TEK: variants seen among roughly 807,000 people sequenced by gnomAD.
TEK encodes the protein TEK receptor tyrosine kinase, also known as angiopoietin-1 receptor.
TEK carries 43 observed loss-of-function variants against 131.8 expected under a neutral mutation model. The ratio of observed to expected loss-of-function variants is 0.33; its 90% CI spans 0.26 to 0.42. The LOEUF (loss-of-function observed/expected upper bound fraction) is 0.42. Ranked by LOEUF, TEK falls within the 10% of genes least tolerant of loss-of-function variation. TEK has a pLI of 1.00. For missense variants in TEK, 1,162 were observed against 1,384.4 expected (o/e 0.84, Z 2.55); for synonymous variants, 580 against 491.6 (o/e 1.18, Z -2.38).
At chr9:27,137,110 G>C (rs12551926) in intron 1 of TEK, among the ~76,000 whole-genome samples, 54,252 of 151,742 alleles carry the variant, frequency 0.36, 11,003 homozygotes, top group Non-Finnish European at 0.45. Context: ...TAGAGACGGG[G>C]TTTCACCATG....
intron 1 of TEK, among the ~76,000 whole-genome samples, chr9:27,148,640 T>C (rs1444074375): frequency 1.3e-5 from 2 of 152,236 alleles, no homozygotes; most frequent in African/African-American, 4.8e-5. Context: ...AGAAGTCCCA[T>C]GGCCAAGCCT....
chr9:27,109,589 G>A lies in TEK; in HGVS notation c.-2G>A. 1 of 1,614,188 alleles carries A rather than the reference G, an allele frequency of 6.2e-7. No homozygotes were observed. The highest frequency in any genetic ancestry group is 8.5e-7 in the Non-Finnish European group (1 of 1,180,018). ...AAACTGGATGGAGAGATTTGGGGAA[G>A]CATGGACTCTTTAGCCAGCTTAGTT... On this transcript the variant is annotated 5_prime_UTR_variant, in exon 1 of 23. Transcript: ENST00000380036.
At chr9:27,181,841 A>G (rs368185655) in intron 7 of TEK, among the ~76,000 whole-genome samples, 1 of 152,194 alleles carries the variant, frequency 6.6e-6, no homozygotes, top group Non-Finnish European at 1.5e-5. Flanking sequence ...CAATCATATA[A>G]ATATAAATGC....
At chr9:27,180,442 TGCC>T in intron 7 of TEK, 74 bp downstream of exon 7, 1 of 1,560,460 alleles carries the variant, frequency 6.4e-7, no homozygotes, top group South Asian at 1.2e-5. Context: ...GTAATTCTTG[TGCC>T]GGCATTCTAA....
At chr9:27,166,836 C>T (rs1402286087) in intron 2 of TEK, among the ~76,000 whole-genome samples, 2 of 152,190 alleles carry the variant, frequency 1.3e-5, no homozygotes, top group Admixed American at 6.5e-5. Context: ...TTTTAACATA[C>T]ATTTGGCATA....
intron 1 of TEK, among the ~76,000 whole-genome samples, chr9:27,126,239 AAC>A (rs1384085608): frequency 6.6e-6 from 1 of 152,202 alleles, no homozygotes; most frequent in Non-Finnish European, 1.5e-5. Flanking sequence ...AAGCTTACCT[AAC>A]ACATAAGTTT....
chr9:27,142,914 GTTAC>G lies in TEK; in HGVS notation c.53-14913_53-14910del, dbSNP rs142892357. On this transcript the variant is annotated intron_variant, in intron 1 of 22. Transcript: ENST00000380036. ...ACGTTAAAGTAACTAGACTGTGGAA[GTTAC>G]TTAATAAGTTAAAGCTATTGTTAAT... Among the ~76,000 whole-genome samples the G allele has an allele frequency of 6.9e-3, 1,057 of 152,322 alleles. 13 individuals carry two copies. The highest frequency in any genetic ancestry group is 0.024 in the African/African-American group (979 of 41,570).
intron 1 of TEK, among the ~76,000 whole-genome samples, chr9:27,151,845 G>A (rs1823138619): frequency 6.6e-6 from 1 of 152,166 alleles, no homozygotes; most frequent in Admixed American, 6.5e-5. Context: ...TTTTTGAACT[G>A]AAGATAATTT....
At chr9:27,195,756 A>C (rs1824983569) in intron 11 of TEK, 2 of 449,694 alleles carry the variant, frequency 4.4e-6, no homozygotes, top group South Asian at 3.2e-5. Context: ...GCATTTTCAC[A>C]TCCATTTTCT....
intron 1 of TEK, among the ~76,000 whole-genome samples, chr9:27,117,117 G>A (rs1432496354): frequency 1.3e-5 from 2 of 151,832 alleles, no homozygotes; most frequent in African/African-American, 4.8e-5. Flanking sequence ...CGCCTGCCTC[G>A]GCCTCCCAAA....
intron 2 of TEK, among the ~76,000 whole-genome samples, chr9:27,158,538 A>G (rs1452582550): frequency 2.6e-5 from 4 of 152,172 alleles, no homozygotes. Context: ...GCTTGTCCCT[A>G]AATACCCTTA....
At chr9:27,146,718 C>CTTTTTTTTTTTTTTTTTTTTTTT (rs1423361120) in intron 1 of TEK, among the ~76,000 whole-genome samples, 1 of 129,718 alleles carries the variant, frequency 7.7e-6, no homozygotes, top group African/African-American at 2.9e-5. Flanking sequence ...TATAAACATT[C>CTTTTTTTTTTTTTTTTTTTTTTT]TATTTTTTTT....
intron 2 of TEK, among the ~76,000 whole-genome samples, chr9:27,158,891 C>T (rs143207539): frequency 1.3e-5 from 2 of 152,316 alleles, no homozygotes; most frequent in East Asian, 1.9e-4. Flanking sequence ...GATCTGTAGA[C>T]CTCGTGATCT....
chr9:27,220,758 A>T (rs753402022), intron 21 of TEK, among the ~76,000 whole-genome samples: 20 of 152,302 alleles, frequency 1.3e-4, no homozygotes, highest in Non-Finnish European at 2.4e-4. Context: ...CCAGATACTA[A>T]GCTTTTCCCA....
chr9:27,224,164 C>G (rs772610676), intron 21 of TEK, among the ~76,000 whole-genome samples: 1 of 152,198 alleles, frequency 6.6e-6, no homozygotes, highest in East Asian at 1.9e-4. Flanking sequence ...GGATCCACAG[C>G]TGAATTCTAC....
intron 6 of TEK, 97 bp downstream of exon 6, chr9:27,173,459 T>C: frequency 1.3e-6 from 2 of 1,482,698 alleles, no homozygotes; most frequent in Non-Finnish European, 9.4e-7. Context: ...ATACCTGGAC[T>C]GCTTAGCTAC....
At chr9:27,154,710 A>G (rs945605325) in intron 1 of TEK, among the ~76,000 whole-genome samples, 1 of 152,176 alleles carries the variant, frequency 6.6e-6, no homozygotes, top group African/African-American at 2.4e-5. Context: ...CAAAGCTCAC[A>G]TAGAAGATCC....
At chr9:27,204,850 G>A in intron 13 of TEK, 61 bp from the exon 14 acceptor site, 2 of 1,599,590 alleles carry the variant, frequency 1.3e-6, no homozygotes, top group Non-Finnish European at 1.7e-6. Flanking sequence ...CCCACATACG[G>A]TGTGGGTCTG....
At chr9:27,173,197 A>T (rs748761758) in intron 5 of TEK, 25 bp from the exon 6 acceptor site, 1 of 1,613,898 alleles carries the variant, frequency 6.2e-7, no homozygotes, top group South Asian at 1.1e-5. Flanking sequence ...TTGACTCTGA[A>T]TCATCTTTTC....
Sources: allele counts gnomAD v4.1 joint callset (sites outside exome capture counted in the v4.1 genomes callset), GRCh38; gene constraint gnomAD v4.1.1; transcripts MANE v1.5; gene names NCBI Gene and HGNC (gene_info 2026-07-23, HGNC 2026-07-21).